ADGRL3: variants seen among roughly 807,000 people sequenced by gnomAD.
ADGRL3 encodes the protein calcium-independent alpha-latrotoxin receptor 3.
A neutral mutation model predicts 153.5 loss-of-function variants in ADGRL3; 62 were observed. That is an observed-to-expected ratio of 0.40 (90% CI 0.33 to 0.50). The LOEUF is 0.50. Ranked by LOEUF, ADGRL3 falls within the 20% of genes least tolerant of loss-of-function variation. The pLI is 0.47. For synonymous variants in ADGRL3, 710 were observed against 672.5 expected, an observed-to-expected ratio of 1.06 and a Z score of -0.86; for missense variants, 1,641 against 1,859.4, an observed-to-expected ratio of 0.88 and a Z score of 2.16.
chr4:61,928,031 TATATA>T (rs1439736165), intron 13 of ADGRL3, among the ~76,000 whole-genome samples: 5 of 150,684 alleles, frequency 3.3e-5, no homozygotes, highest in Non-Finnish European at 5.9e-5. Flanking sequence ...TGTAACTGTA[TATATA>T]ATATAATAAA....
Position 61,585,664 on chromosome 4 carries a change from C to T in ADGRL3, c.260-1563C>T, listed in dbSNP as rs189790821. 1.8e-3 allele frequency among the ~76,000 whole-genome samples: 274 copies of T among 152,016 alleles called. 2 individuals carry two copies. The highest frequency in any genetic ancestry group is 5.9e-3 in the African/African-American group (245 of 41,508). On this transcript the variant is annotated intron_variant, in intron 4 of 26. Coordinates refer to ENST00000683033, the MANE Select transcript of ADGRL3 (RefSeq NM_001387552.1). ...ATCAACTTATTTGACAGTTAGTAAA[C>T]GCTTCATTTAAAATTTAAATTACAT...
chr4:61,961,425 T>G (rs1224599212), intron 17 of ADGRL3, among the ~76,000 whole-genome samples: 2 of 152,174 alleles, frequency 1.3e-5, no homozygotes, highest in Non-Finnish European at 2.9e-5. Flanking sequence ...CCATGATGGC[T>G]CCTGGAACAT....
intron 17 of ADGRL3, among the ~76,000 whole-genome samples, chr4:61,949,468 C>T (rs919990085): frequency 2.0e-5 from 3 of 151,970 alleles, no homozygotes; most frequent in Non-Finnish European, 2.9e-5. Context: ...GAGGCCAAGA[C>T]GGGAGGATCA....
intron 2 of ADGRL3, among the ~76,000 whole-genome samples, chr4:61,424,472 A>G (rs1480128581): frequency 1.3e-5 from 2 of 152,116 alleles, no homozygotes; most frequent in African/African-American, 2.4e-5. Context: ...TACGCTCCCC[A>G]TGATTATCAG....
intron 2 of ADGRL3, among the ~76,000 whole-genome samples, chr4:61,484,274 A>T (rs2098165526): frequency 6.6e-6 from 1 of 152,110 alleles, no homozygotes. Context: ...CATTTTGCCT[A>T]CCAATTTTCC....
chr4:61,867,539 T>TAA (rs1554050829), intron 9 of ADGRL3, among the ~76,000 whole-genome samples: 2 of 138,752 alleles, frequency 1.4e-5, no homozygotes, highest in African/African-American at 2.6e-5. Context: ...TATATATATA[T>TAA]AATTGTAGGA....
At chr4:61,904,252 T>A (rs1481830151) in intron 11 of ADGRL3, among the ~76,000 whole-genome samples, 1 of 151,972 alleles carries the variant, frequency 6.6e-6, no homozygotes, top group Non-Finnish European at 1.5e-5. Flanking sequence ...AGAGATTTTC[T>A]TATTTTACTT....
intron 5 of ADGRL3, among the ~76,000 whole-genome samples, chr4:61,637,104 C>T (rs1338984004): frequency 6.6e-6 from 1 of 152,176 alleles, no homozygotes; most frequent in Non-Finnish European, 1.5e-5. Context: ...ACAGGTTGAA[C>T]TGTGCATATG....
chr4:61,866,147 C>G (rs565120270), intron 9 of ADGRL3, among the ~76,000 whole-genome samples: 13 of 152,296 alleles, frequency 8.5e-5, no homozygotes, highest in African/African-American at 2.6e-4. Flanking sequence ...ATTTATGCAG[C>G]CTTCCTTTCA....
At chr4:61,369,465 T>C (rs2096477137) in intron 1 of ADGRL3, among the ~76,000 whole-genome samples, 1 of 152,162 alleles carries the variant, frequency 6.6e-6, no homozygotes, top group South Asian at 2.1e-4. Flanking sequence ...GTCAAAGGCC[T>C]TTTCTGCATC....
chr4:62,032,402 A>G (rs1722591952), intron 23 of ADGRL3, among the ~76,000 whole-genome samples: 2 of 151,546 alleles, frequency 1.3e-5, no homozygotes. Context: ...CGATAGGTCC[A>G]GTCACAACGA....
chr4:61,768,869 A>C (rs2152287853), intron 8 of ADGRL3, among the ~76,000 whole-genome samples: 1 of 152,024 alleles, frequency 6.6e-6, no homozygotes, highest in Non-Finnish European at 1.5e-5. Flanking sequence ...GGATTGGGGC[A>C]CAGAGATAAG....
chr4:62,008,248 G>A (rs188851218), intron 21 of ADGRL3, among the ~76,000 whole-genome samples: 4 of 152,148 alleles, frequency 2.6e-5, no homozygotes, highest in Admixed American at 2.0e-4. Flanking sequence ...GATAATAATT[G>A]GTTTGTTTTT....
chr4:61,609,001 C>T (rs1322235602), intron 5 of ADGRL3, among the ~76,000 whole-genome samples: 1 of 151,822 alleles, frequency 6.6e-6, no homozygotes, highest in African/African-American at 2.4e-5. Flanking sequence ...TAAAAATTGT[C>T]TTTTTTTTCT....
chr4:61,894,113 T>G (rs1236610481), intron 10 of ADGRL3, among the ~76,000 whole-genome samples: 2 of 152,218 alleles, frequency 1.3e-5, no homozygotes, highest in Non-Finnish European at 1.5e-5. Context: ...TTTCTTATTG[T>G]TACGTACATT....
chr4:61,358,394 G>A (rs529574794), intron 1 of ADGRL3, among the ~76,000 whole-genome samples: 183 of 152,012 alleles, frequency 1.2e-3, no homozygotes, highest in Non-Finnish European at 2.0e-3. Context: ...TCAGGAGATC[G>A]AGACCATCCT....
intron 13 of ADGRL3, among the ~76,000 whole-genome samples, chr4:61,931,209 C>A (rs2098816192): frequency 6.6e-6 from 1 of 152,102 alleles, no homozygotes; most frequent in Non-Finnish European, 1.5e-5. Context: ...TCTCCAATTC[C>A]TCAAAGCTCC....
intron 2 of ADGRL3, among the ~76,000 whole-genome samples, chr4:61,398,503 C>T (rs2096893563): frequency 6.6e-6 from 1 of 151,590 alleles, no homozygotes; most frequent in South Asian, 2.1e-4. Context: ...TCAGCCAGAC[C>T]TGATTAGCAA....
At chr4:61,630,494 G>A (rs1191190659) in intron 5 of ADGRL3, among the ~76,000 whole-genome samples, 2 of 152,144 alleles carry the variant, frequency 1.3e-5, no homozygotes, top group African/African-American at 4.8e-5. Flanking sequence ...CATGCTGTTG[G>A]TTGTTGTTGT....
Sources: allele counts gnomAD v4.1 joint callset (sites outside exome capture counted in the v4.1 genomes callset), GRCh38; gene constraint gnomAD v4.1.1; transcripts MANE v1.5; gene names NCBI Gene and HGNC (gene_info 2026-07-23, HGNC 2026-07-21).